Variants in TAMM41 observed in about 807,000 individuals in gnomAD.
TAMM41 encodes TAM41 mitochondrial translocator assembly and maintenance homolog, also known as phosphatidate cytidylyltransferase, mitochondrial.
In TAMM41, 36 loss-of-function variants were observed where a neutral mutation model predicts 44.1. The observed-to-expected ratio is 0.82, with a 90% CI of 0.63 to 1.08. The LOEUF (loss-of-function observed/expected upper bound fraction) is 1.08, where lower values mean the gene tolerates loss of function less well. Among genes scored for constraint, TAMM41 ranks in the 50% least tolerant of loss-of-function variants. The pLI, the probability that TAMM41 is intolerant of heterozygous loss-of-function variation, is 0.00. For missense variants in TAMM41, 417 were observed against 404.3 expected, an observed-to-expected ratio of 1.03 and a Z score of -0.27; for synonymous variants, 164 against 153.1, an observed-to-expected ratio of 1.07 and a Z score of -0.53.
chr3:11,778,944 T>C, the TAMM41 span, among the ~76,000 whole-genome samples: 1 of 152,214 alleles, frequency 6.6e-6, no homozygotes, highest in Non-Finnish European at 1.5e-5. Flanking sequence ...GCGTCTGCTA[T>C]GCTACGGTTT....
At chr3:11,754,262 C>T in the TAMM41 span, among the ~76,000 whole-genome samples, 2 of 152,308 alleles carry the variant, frequency 1.3e-5, no homozygotes, top group East Asian at 1.9e-4. Context: ...AGCTCAGCTA[C>T]CAACATGACC....
At chr3:11,844,295 C>G in intron 1 of TAMM41, 84 bp from the exon 2 acceptor site, 1 of 1,324,126 alleles carries the variant, frequency 7.6e-7, no homozygotes, top group South Asian at 1.4e-5. Flanking sequence ...TAACATACTA[C>G]GCAATTATGA....
At chr3:11,768,182 G>A in the TAMM41 span, among the ~76,000 whole-genome samples, 1 of 151,714 alleles carries the variant, frequency 6.6e-6, no homozygotes, top group Admixed American at 6.6e-5. Flanking sequence ...CTGTAGCCTG[G>A]CTGGAGTGTA....
chr3:11,734,582 A>G, the TAMM41 span, among the ~76,000 whole-genome samples: 2 of 152,250 alleles, frequency 1.3e-5, no homozygotes, highest in African/African-American at 2.4e-5. Context: ...TCTCTTACTC[A>G]CTAAATGATA....
At chr3:11,804,442 C>G (rs564850932) in intron 7 of TAMM41, among the ~76,000 whole-genome samples, 99 of 152,298 alleles carry the variant, frequency 6.5e-4, no homozygotes, top group African/African-American at 2.3e-3. Context: ...GACAACATAT[C>G]ATTGCATCTG....
intron 5 of TAMM41, among the ~76,000 whole-genome samples, chr3:11,814,320 C>T (rs1375631044): frequency 2.0e-5 from 3 of 151,862 alleles, no homozygotes; most frequent in Non-Finnish European, 4.4e-5. Flanking sequence ...GAGAACAAGA[C>T]AAAATCTTCA....
At chr3:11,725,363 CTT>C in the TAMM41 span, among the ~76,000 whole-genome samples, 2,768 of 141,536 alleles carry the variant, frequency 0.02, 47 homozygotes, top group Middle Eastern at 0.022. Flanking sequence ...TTTTTTTCTT[CTT>C]CTCCTCCTCC....
chr3:11,844,882 T>C (rs1209253599), intron 1 of TAMM41: 1 of 456,102 alleles, frequency 2.2e-6, no homozygotes, highest in Admixed American at 2.4e-5. Context: ...GAATGCAAAA[T>C]GTACTAACTG....
At chr3:11,734,279 G>A in the TAMM41 span, among the ~76,000 whole-genome samples, 5 of 152,286 alleles carry the variant, frequency 3.3e-5, no homozygotes, top group East Asian at 3.9e-4. Context: ...ATGGGAAGCT[G>A]GGGGAGGAGT....
chr3:11,812,610 T>C lies in TAMM41; in HGVS notation c.709-2928A>G, dbSNP rs535082865. On this transcript the variant is annotated intron_variant, in intron 5 of 7. Transcript: ENST00000455809. ...GAAGGGATGCTTCTACCAGAGGACATAGTAAGCATCCCATTAACTTTAAGT... is the reference window on the plus strand; with the variant it reads ...GAAGGGATGCTTCTACCAGAGGACACAGTAAGCATCCCATTAACTTTAAGT... 2.0e-5 allele frequency among the ~76,000 whole-genome samples: 3 copies of C among 152,224 alleles called. No individual in the cohort carries two copies. In the East Asian group the frequency reaches 5.8e-4, roughly 29 times the overall value.
intron 3 of TAMM41, among the ~76,000 whole-genome samples, chr3:11,832,817 A>G (rs1294122666): frequency 1.3e-5 from 2 of 152,158 alleles, no homozygotes; most frequent in Non-Finnish European, 2.9e-5. Flanking sequence ...ACAGAAGCCC[A>G]GTGAAATTAG....
the TAMM41 span, among the ~76,000 whole-genome samples, chr3:11,738,706 ACTT>A: frequency 6.6e-6 from 1 of 152,036 alleles, no homozygotes; most frequent in Non-Finnish European, 1.5e-5. Flanking sequence ...CTACTTGACA[ACTT>A]CTGTCCATCC....
chr3:11,747,212 G>A, the TAMM41 span, among the ~76,000 whole-genome samples: 4 of 151,902 alleles, frequency 2.6e-5, no homozygotes, highest in African/African-American at 7.3e-5. Context: ...ACAGGCGCAC[G>A]CCACCATGCC....
At chr3:11,728,252 C>T in the TAMM41 span, among the ~76,000 whole-genome samples, 1 of 152,182 alleles carries the variant, frequency 6.6e-6, no homozygotes, top group Non-Finnish European at 1.5e-5. Flanking sequence ...TGTATTGAGG[C>T]CCCACCTGCT....
At chr3:11,800,481 C>A (rs1333226607) in intron 7 of TAMM41, among the ~76,000 whole-genome samples, 2 of 150,344 alleles carry the variant, frequency 1.3e-5, no homozygotes, top group African/African-American at 4.9e-5. Context: ...GATATTCCAT[C>A]CAAAAAGAAA....
Position 11,846,500 on chromosome 3 carries a change from ACCTTCTG to A in TAMM41, c.130_135+1del. Reference sequence around the variant, plus strand: ...CCCCGTCGTGGGGCTGCCCGGGCTCACCTTCTGGTCTGAACTCGGCCCTGCCTGGCGG... The same window carrying A: ...CCCCGTCGTGGGGCTGCCCGGGCTCAGTCTGAACTCGGCCCTGCCTGGCGG... On this transcript the variant is annotated splice_donor_variant and coding_sequence_variant, in exon 1 of 8. Coordinates refer to ENST00000455809, the MANE Select transcript of TAMM41 (RefSeq NM_001284401.2). LOFTEE classifies it high-confidence loss of function. 6.2e-7 allele frequency: 1 copy of A among 1,614,066 alleles called. No individual in the cohort carries two copies. The highest frequency in any genetic ancestry group is 8.5e-7 in the Non-Finnish European group (1 of 1,180,000).
chr3:11,756,756 T>C, the TAMM41 span, among the ~76,000 whole-genome samples: 5 of 151,724 alleles, frequency 3.3e-5, no homozygotes, highest in Non-Finnish European at 5.9e-5. Flanking sequence ...TCCCAGTTAC[T>C]TGGGAGGCTG....
In TAMM41 at chr3:11,804,541, CAAT is replaced by C. The variant is rs568567364; in HGVS notation, c.937+3289_937+3291del. ...ATTGTCACAACTGAAAAATAATTAA[CAAT>C]AATTCTAATAATTCCAATAATTCCT... On this transcript the variant is annotated intron_variant, in intron 7 of 7. Coordinates refer to ENST00000455809, the MANE Select transcript of TAMM41 (RefSeq NM_001284401.2). Among the ~76,000 whole-genome samples the C allele has an allele frequency of 1.6e-3, 240 of 152,238 alleles. 2 individuals are homozygous for C. Among genetic ancestry groups the C allele is most frequent in the Admixed American group, 4.1e-3 (62 of 15,296 alleles).
At chr3:11,830,743 CAT>C (rs1193446358) in intron 3 of TAMM41, 2 of 152,076 alleles carry the variant, frequency 1.3e-5, no homozygotes, top group Non-Finnish European at 2.9e-5. Context: ...CAGTGATGCA[CAT>C]GTGTGGTCCC....
Sources: allele counts gnomAD v4.1 joint callset (sites outside exome capture counted in the v4.1 genomes callset), GRCh38; gene constraint gnomAD v4.1.1; transcripts MANE v1.5; gene names NCBI Gene and HGNC (gene_info 2026-07-23, HGNC 2026-07-21).